The following SLC2A7 variants were observed in gnomAD, a reference collection of about 807,000 sequenced individuals.
SLC2A7 encodes solute carrier family 2 member 7.
Under a neutral mutation model 50.5 loss-of-function variants are expected in SLC2A7, and 50 were observed. The ratio of observed to expected loss-of-function variants is 0.99; its 90% CI spans 0.79 to 1.25. The LOEUF is 1.25. Among genes scored for constraint, SLC2A7 ranks in the 50% most tolerant of loss-of-function variants. SLC2A7 has a pLI of 0.00. For missense variants in SLC2A7, 683 were observed against 679.1 expected, an observed-to-expected ratio of 1.01 and a Z score of -0.06; for synonymous variants, 308 against 300.4, an observed-to-expected ratio of 1.03 and a Z score of -0.26.
chr1:8,995,219 C>T, the SLC2A7 span, among the ~76,000 whole-genome samples: 12 of 148,674 alleles, frequency 8.1e-5, no homozygotes, highest in East Asian at 2.2e-3. Context: ...GAGGCCGTCG[C>T]GGGTGGATCA....
At chr1:9,001,501 C>G (rs1640571952), downstream of SLC2A7, among the ~76,000 whole-genome samples, 1 of 151,022 alleles carries the variant, frequency 6.6e-6, no homozygotes. Flanking sequence ...TCATTGCAAC[C>G]TCTGCCTCTC....
At position 9,026,383 on chromosome 1, in the gene SLC2A7, C is replaced by T; in HGVS notation, c.-38G>A. The T allele has an allele frequency of 6.4e-7, 1 of 1,568,278 alleles. No individual in the cohort carries two copies. The highest frequency in any genetic ancestry group is 8.7e-7 in the Non-Finnish European group (1 of 1,153,320). On this transcript the variant is annotated 5_prime_UTR_variant, in exon 1 of 12. Transcript: ENST00000400906. ...GGGAGAACAGGTGTGCTCTACCTCC[C>T]AAGTGACACCTGCTCTGCGCCAGCC...
chr1:9,003,552 A>G, intron 11 of SLC2A7, 34 bp from the exon 12 acceptor site: 1 of 1,588,328 alleles, frequency 6.3e-7, no homozygotes, highest in Non-Finnish European at 8.6e-7. Context: ...AGGAGGGGGC[A>G]GAGAAAGGCA....
At chr1:8,993,839 G>C in the SLC2A7 span, among the ~76,000 whole-genome samples, 1 of 152,120 alleles carries the variant, frequency 6.6e-6, no homozygotes. Context: ...ATGTTGGCCA[G>C]GATGGTCTCA....
At position 9,015,224 on chromosome 1, in the gene SLC2A7, G is replaced by A. The variant is rs777552375; in HGVS notation, c.608C>T (p.Ala203Val). The A allele has an allele frequency of 9.4e-6, 15 of 1,600,954 alleles. No homozygotes were observed. The highest frequency in any genetic ancestry group is 5.1e-5 in the Admixed American group (3 of 58,590). ...CAGCAGGGCGGGCACCCCTGTGAGC[G>A]CCAGAAGCACCGGCCAGCCTGCAAG... ...GNPAGWPVLLALTGVPALLQL... is the reference protein window; with the variant it reads ...GNPAGWPVLLVLTGVPALLQL... The change falls in exon 6 of 12, where the codon GCG becomes GTG. Residue 203 changes from alanine (A) to valine (V), a missense_variant. Physicochemically the swap from Ala to Val is moderately conservative, Grantham distance 64. Coordinates refer to ENST00000400906, the MANE Select transcript of SLC2A7 (RefSeq NM_207420.3).
Position 9,003,295 on chromosome 1 carries a change from G to A in SLC2A7, c.*5C>T. On this transcript the variant is annotated 3_prime_UTR_variant, in exon 12 of 12. Coordinates refer to ENST00000400906, the MANE Select transcript of SLC2A7 (RefSeq NM_207420.3). ...ATATGGGCTCCCGTCCTTCATGCAG[G>A]GCCACTAAAAGGAAGTTTCCTTGGC... is the stretch of plus-strand genomic sequence containing the variant. 6.2e-7 allele frequency: 1 copy of A among 1,613,942 alleles called. No individual in the cohort carries two copies. The highest frequency in any genetic ancestry group is 2.2e-5 in the East Asian group (1 of 44,884).
At chr1:9,005,187 C>T (rs1157242627) in intron 10 of SLC2A7, among the ~76,000 whole-genome samples, 4 of 152,202 alleles carry the variant, frequency 2.6e-5, no homozygotes, top group African/African-American at 4.8e-5. Context: ...GTGGGAGCAG[C>T]AGGAGTGAGT....
intron 5 of SLC2A7, among the ~76,000 whole-genome samples, chr1:9,015,655 T>C (rs576636370): frequency 6.6e-6 from 1 of 151,990 alleles, no homozygotes; most frequent in African/African-American, 2.4e-5. Context: ...GGAACTGAGA[T>C]TCCACTAAGA....
chr1:9,013,669 G>A (rs1216252270), intron 7 of SLC2A7, 34 bp from the exon 8 acceptor site: 11 of 1,570,016 alleles, frequency 7.0e-6, no homozygotes, highest in Admixed American at 3.4e-5. Flanking sequence ...AGGACAGGCC[G>A]GAAGACCCAG....
the SLC2A7 span, among the ~76,000 whole-genome samples, chr1:8,994,933 G>A: frequency 3.3e-5 from 5 of 151,532 alleles, no homozygotes; most frequent in Non-Finnish European, 7.4e-5. Context: ...ACCACGCCCA[G>A]CTATTTTTTA....
In SLC2A7 at chr1:9,019,139, G is replaced by A; in HGVS notation, c.436+70C>T. 3 of 1,559,706 alleles carry A rather than the reference G, an allele frequency of 1.9e-6. No individual in the cohort carries two copies. The Admixed American group carries it at 5.8e-5, about 30-fold the overall frequency. ...GCAGAGCCAGGCAGACACCTCATCT[G>A]CTCCTGCTTCCAGCCTTGGCCAAAC... is the stretch of plus-strand genomic sequence containing the variant. On this transcript the variant is annotated intron_variant, in intron 4 of 11. Coordinates refer to ENST00000400906, the MANE Select transcript of SLC2A7 (RefSeq NM_207420.3).
chr1:9,018,130 C>T, intron 5 of SLC2A7, 93 bp downstream of exon 5: 1 of 1,532,630 alleles, frequency 6.5e-7, no homozygotes, highest in Non-Finnish European at 8.9e-7. Flanking sequence ...CTAAAATCAT[C>T]TCTCGGGTCT....
intron 9 of SLC2A7, among the ~76,000 whole-genome samples, chr1:9,009,313 T>A (rs1640706297): frequency 1.3e-5 from 2 of 152,232 alleles, no homozygotes; most frequent in African/African-American, 4.8e-5. Flanking sequence ...AGAGATTTTA[T>A]ATCATGACAC....
At chr1:8,993,509 G>A in the SLC2A7 span, among the ~76,000 whole-genome samples, 1 of 152,170 alleles carries the variant, frequency 6.6e-6, no homozygotes, top group Non-Finnish European at 1.5e-5. Flanking sequence ...TCTGACAGAA[G>A]CAATCACAGA....
chr1:9,022,447 T>C (rs1705280), intron 3 of SLC2A7, among the ~76,000 whole-genome samples: 29,791 of 151,866 alleles, frequency 0.2, 3,540 homozygotes, highest in Admixed American at 0.27. Flanking sequence ...CATTTCCAAA[T>C]AATCTCGTAT....
downstream of SLC2A7, among the ~76,000 whole-genome samples, chr1:9,001,394 A>G (rs1292644215): frequency 1.3e-5 from 2 of 149,770 alleles, no homozygotes; most frequent in Non-Finnish European, 3.0e-5. Flanking sequence ...AGGGAGTGAC[A>G]TGGTCAGGCC....
chr1:9,009,398 T>G (rs2124243176), intron 9 of SLC2A7, among the ~76,000 whole-genome samples: 1 of 152,352 alleles, frequency 6.6e-6, no homozygotes, highest in South Asian at 2.1e-4. Flanking sequence ...TAAAATGATG[T>G]ACTTCTTGTT....
intron 3 of SLC2A7, among the ~76,000 whole-genome samples, chr1:9,021,956 C>CA (rs376902674): frequency 0.021 from 3,057 of 142,508 alleles, 42 homozygotes; most frequent in Non-Finnish European, 0.033. Flanking sequence ...TCTGGATGAC[C>CA]AAAAAAAAAA....
rs200849234 is a variant in SLC2A7 at position 9,021,940 on chromosome 1, TCA to T, written c.311+976_311+977del. 7.3e-3 allele frequency among the ~76,000 whole-genome samples: 1,106 copies of T among 152,116 alleles called. 18 individuals are homozygous for T. The highest frequency in any genetic ancestry group is 0.025 in the African/African-American group (1,023 of 41,504). ...AACACTCTTGGTCTGGCTGAGAACA[TCA>T]CAGTCTGGATGACCAAAAAAAAAAG... On this transcript the variant is annotated intron_variant, in intron 3 of 11. Transcript: ENST00000400906.
Sources: gnomAD v4.1 joint callset for allele counts (sites outside exome capture counted in the v4.1 genomes callset) on GRCh38, gnomAD v4.1.1 for gene constraint, MANE v1.5 for transcripts, NCBI Gene and HGNC (gene_info 2026-07-23, HGNC 2026-07-21) for gene names.